The following CPT1B variants were observed in gnomAD, a reference collection of about 807,000 sequenced individuals.
CPT1B encodes the protein carnitine O-palmitoyltransferase 1, muscle isoform.
A neutral mutation model predicts 92.7 loss-of-function variants in CPT1B; 57 were observed. The ratio of observed to expected loss-of-function variants is 0.62; its 90% confidence interval spans 0.50 to 0.77. CPT1B has a LOEUF of 0.77. CPT1B is among the 30% of genes least tolerant of loss of function. The pLI, the probability that CPT1B is intolerant of heterozygous loss-of-function variation, is 0.00. For synonymous variants in CPT1B, 398 were observed against 383.5 expected (o/e 1.04, Z -0.44); for missense variants, 983 against 1,017.4 (o/e 0.97, Z 0.46).
chr22:50,573,148 G>A lies in CPT1B; in HGVS notation c.1167-88C>T, dbSNP rs2070262996. On this transcript the variant is annotated intron_variant, in intron 10 of 19. Transcript: ENST00000312108. This position sits in a 1 kb window ranked among gnomAD's most constrained non-coding sequence, Gnocchi z 5.0. The stretch of plus-strand genomic sequence containing the variant: ...CCTGGCTGGACCTGGAGATGGGGGT[G>A]GGGTGCCAGGCTGGACCTGGAGATG... 1.7e-6 allele frequency: 2 copies of A among 1,194,648 alleles called. No homozygotes were observed. The highest frequency in any genetic ancestry group is 2.9e-5 in the South Asian group (2 of 69,744). 74.0% of individuals were successfully genotyped at this position (1,194,648 alleles called of 1,614,324 possible).
In CPT1B at chr22:50,573,441, G is replaced by A. The variant is rs1237479648; in HGVS notation, c.1166+79C>T. On this transcript the variant is annotated intron_variant, in intron 10 of 19. Transcript: ENST00000312108. This position sits in a 1 kb window ranked among gnomAD's most constrained non-coding sequence, Gnocchi z 5.0. Reference sequence around the variant, plus strand: ...TGTGCCTCCAGCCTCCAGTTCCAGGGTGGCAGGCAGGGCCACGCTCCTCTC... The same window carrying A: ...TGTGCCTCCAGCCTCCAGTTCCAGGATGGCAGGCAGGGCCACGCTCCTCTC... 1.5e-6 allele frequency: 2 copies of A among 1,300,528 alleles called. No homozygotes were observed. The highest frequency in any genetic ancestry group is 3.0e-5 in the African/African-American group (2 of 67,418). 80.6% of individuals were successfully genotyped at this position (1,300,528 alleles called of 1,614,324 possible). A position where few individuals can be genotyped will look rare whatever the true frequency, so the allele number is the denominator to read the frequency against.
In CPT1B at chr22:50,573,841, GC is replaced by G; in HGVS notation, c.971-127del. On this transcript the variant is annotated intron_variant, in intron 9 of 19. Transcript: ENST00000312108. The surrounding 1 kb of genome is among the most constrained non-coding windows in gnomAD (Gnocchi z 5.0). ...GCTCGGCCTCTGCCTGGGCCTTCCTGCCCCCTGGATGGGATCCGTGTGTCCT... is the reference window on the plus strand; with the variant it reads ...GCTCGGCCTCTGCCTGGGCCTTCCTGCCCCTGGATGGGATCCGTGTGTCCT... The G allele has an allele frequency of 1.2e-6, 1 of 854,836 alleles. No homozygotes were observed. Among genetic ancestry groups the G allele is most frequent in the Non-Finnish European group, 2.0e-6 (1 of 511,798 alleles). The allele number at this position is 854,836 out of a possible 1,614,324, so 53.0% of individuals were successfully genotyped here.
At chr22:50,571,099 A>G (rs1390513536) in intron 15 of CPT1B, 56 bp from the exon 16 acceptor site, 2 of 1,611,514 alleles carry the variant, frequency 1.2e-6, no homozygotes, top group Admixed American at 1.7e-5. Flanking sequence ...GGCAGACAGG[A>G]GGCAGAGGGG....
Position 50,571,054 on chromosome 22 carries a change from G to A in CPT1B, c.1876-11C>T, listed in dbSNP as rs1194037201. ...TCGCAGGTCTGCTTTCTGCGGGGCA[G>A]AAGTAAAGGGGTGAAGAGTAGCCCT... On this transcript the variant is annotated splice_polypyrimidine_tract_variant and intron_variant, in intron 15 of 19. Transcript: ENST00000312108. 1 of 1,613,756 alleles carries A rather than the reference G, an allele frequency of 6.2e-7. No homozygotes were observed. The highest frequency in any genetic ancestry group is 1.7e-5 in the Admixed American group (1 of 60,022).
rs1430320597 is a variant in CPT1B at position 50,573,875 on chromosome 22, G to A, written c.971-160C>T. 1.4e-6 allele frequency: 1 copy of A among 731,600 alleles called. No homozygotes were observed. 45.3% of individuals were successfully genotyped at this position (731,600 alleles called of 1,614,324 possible). On this transcript the variant is annotated intron_variant, in intron 9 of 19. Transcript: ENST00000312108. The surrounding 1 kb of genome is among the most constrained non-coding windows in gnomAD (Gnocchi z 5.0). ...ATGGGATCCGTGTGTCCTAAACCAG[G>A]CCCTGTGCTGGGTGCTTCCACTCTC...
Position 50,571,228 on chromosome 22 carries a change from G to C in CPT1B, c.1805C>G (p.Thr602Ser). ...SMTRMFREGR[T>S]ETVRSCTSES... ...GCTGGTACAGGAACGCACAGTCTCAGTCCGTCCCTCCCGGAACATTCTGGT... is the reference window on the plus strand; with the variant it reads ...GCTGGTACAGGAACGCACAGTCTCACTCCGTCCCTCCCGGAACATTCTGGT... Residue 602 changes from threonine (T) to serine (S), a missense_variant, in exon 15 of 20, where the codon ACT becomes AGT. Thr to Ser is a moderately conservative substitution (Grantham distance 58). Transcript: ENST00000312108. The C allele has an allele frequency of 5.0e-6, 8 of 1,614,122 alleles. No individual in the cohort carries two copies. Among genetic ancestry groups the C allele is most frequent in the Non-Finnish European group, 5.9e-6 (7 of 1,180,036 alleles).
At chr22:50,575,447 TGGA>T (rs1329228374) in intron 7 of CPT1B, among the ~76,000 whole-genome samples, 2 of 152,234 alleles carry the variant, frequency 1.3e-5, no homozygotes, top group African/African-American at 4.8e-5. Flanking sequence ...GGACAGCTTA[TGGA>T]GGAGAATTCC....
chr22:50,572,305 C>T lies in CPT1B; in HGVS notation c.1356G>A (p.Trp452Ter). The T allele has an allele frequency of 6.2e-7, 1 of 1,610,750 alleles. No individual in the cohort carries two copies. Residue 452 changes from tryptophan to a stop codon, truncating the protein, a stop_gained, in exon 12 of 20, where the codon TGG (tryptophan) becomes TGA (stop). Transcript: ENST00000312108. LOFTEE classifies it high-confidence loss of function. Reference protein sequence around the residue: ...ALLHGNCYNRWFDKSFTLISF... With the variant: ...ALLHGNCYNR ...AAATGAGAGTGAAGGATTTGTCAAACCACCTGCAGGAAGAGTAGACACATG... is the reference window on the plus strand; with the variant it reads ...AAATGAGAGTGAAGGATTTGTCAAATCACCTGCAGGAAGAGTAGACACATG...
upstream of CPT1B, chr22:50,578,609 G>A (rs1018071145): frequency 6.1e-6 from 1 of 164,620 alleles, no homozygotes; most frequent in African/African-American, 2.4e-5. Flanking sequence ...TTGCTCAAAG[G>A]TCTGGGAGCC....
intron 18 of CPT1B, 49 bp downstream of exon 18, chr22:50,569,527 C>A: frequency 1.2e-6 from 2 of 1,601,444 alleles, no homozygotes; most frequent in Non-Finnish European, 1.7e-6. Context: ...TCCTGGGCAG[C>A]CCCAGGTGGC....
chr22:50,574,726 A>T (rs2146630763), intron 7 of CPT1B, 126 bp from the exon 8 acceptor site: 1 of 712,072 alleles, frequency 1.4e-6, no homozygotes, highest in African/African-American at 1.7e-5. Flanking sequence ...TACATCCTGC[A>T]CATGCTGCCG....
At chr22:50,569,295 CCA>C in intron 19 of CPT1B, 39 bp downstream of exon 19, 1 of 1,600,552 alleles carries the variant, frequency 6.2e-7, no homozygotes, top group Non-Finnish European at 8.6e-7. Flanking sequence ...GTCCCTTCCT[CCA>C]CAGTGTGGGG....
rs140878554 is a variant in CPT1B, at chr22:50,577,364, A to G, written c.241T>C (p.Leu81=). ...GSSFCNVDIS[L]GLVSCIQRCL... ...CTCTGGATGCAACTGACCAGCCCCA[A>G]GGAGATGTCCACGTTGCAGAAGGAG... Residue 81 remains leucine (L), a synonymous_variant, in exon 3 of 20, where the codon TTG becomes CTG. Coordinates refer to ENST00000312108, the MANE Select transcript of CPT1B (RefSeq NM_152246.3). The G allele has an allele frequency of 4.8e-4, 771 of 1,613,946 alleles. 3 individuals are homozygous for G. The African/African-American group carries it at 9.2e-3, about 19-fold the overall frequency.
At chr22:50,571,659 C>A in intron 13 of CPT1B, 120 bp from the exon 14 acceptor site, 1 of 1,143,480 alleles carries the variant, frequency 8.7e-7, no homozygotes, top group Non-Finnish European at 1.2e-6. Flanking sequence ...AAGACATCTT[C>A]AGGAGGAGGG....
chr22:50,576,753 A>C lies in CPT1B; in HGVS notation c.459+104T>G, dbSNP rs1206496827. 3.2e-6 allele frequency: 5 copies of C among 1,551,344 alleles called. No homozygotes were observed. The African/African-American group carries it at 5.4e-5, about 17-fold the overall frequency. Reference sequence around the variant, plus strand: ...GCCCCTCCAGGACAAACCACACACCAGGCACCAGTGCCCTGTCTGCCTCTC... The same window carrying C: ...GCCCCTCCAGGACAAACCACACACCCGGCACCAGTGCCCTGTCTGCCTCTC... On this transcript the variant is annotated intron_variant, in intron 4 of 19. Transcript: ENST00000312108.
rs1178114464 is a variant in CPT1B at position 50,572,242 on chromosome 22, A to C, written c.1419T>G (p.His473Gln). 3 of 1,614,020 alleles carry C rather than the reference A, an allele frequency of 1.9e-6. No individual in the cohort carries two copies. In the South Asian group the frequency reaches 3.3e-5, roughly 18 times the overall value. The change falls in exon 12 of 20, where the codon CAT becomes CAG. Residue 473 changes from histidine to glutamine, a missense_variant. Transcript: ENST00000312108. ...KNGQLGLNAEHAWADAPIIGH... is the reference protein window; with the variant it reads ...KNGQLGLNAEQAWADAPIIGH... ...CAATGATGGGAGCATCTGCCCACGCATGCTCTGCATTGAGACCCAACTGGC... is the reference window on the plus strand; with the variant it reads ...CAATGATGGGAGCATCTGCCCACGCCTGCTCTGCATTGAGACCCAACTGGC...
At chr22:50,578,007 A>T (rs1331977157) in intron 1 of CPT1B, 73 bp from the exon 2 acceptor site, 1 of 1,150,916 alleles carries the variant, frequency 8.7e-7, no homozygotes, top group Non-Finnish European at 1.1e-6. Flanking sequence ...AGACGCCCCC[A>T]GCCAGTCCGC....
intron 17 of CPT1B, 110 bp downstream of exon 17, chr22:50,570,183 C>T: frequency 7.8e-6 from 6 of 771,842 alleles, no homozygotes; most frequent in South Asian, 2.2e-5. Context: ...GGGTTATGCT[C>T]TCCTCTAAGC....
intron 3 of CPT1B, 142 bp from the exon 4 acceptor site, chr22:50,577,176 G>A (rs890667883): frequency 1.1e-5 from 15 of 1,370,226 alleles, no homozygotes; most frequent in Non-Finnish European, 1.5e-5. Flanking sequence ...CGGATGTAGG[G>A]CTAAGACAAT....
Sources: allele counts gnomAD v4.1 joint callset (sites outside exome capture counted in the v4.1 genomes callset), GRCh38; gene constraint gnomAD v4.1.1; non-coding constraint Gnocchi (gnomAD v3.1); transcripts MANE v1.5; gene names NCBI Gene and HGNC (gene_info 2026-07-23, HGNC 2026-07-21).